Variants in TTBK2 observed in about 807,000 individuals in gnomAD.
TTBK2 encodes tau-tubulin kinase 2.
In TTBK2, 28 loss-of-function variants were observed where a neutral mutation model predicts 110.8. The ratio of observed to expected loss-of-function variants is 0.25; its 90% CI spans 0.19 to 0.35. The LOEUF (loss-of-function observed/expected upper bound fraction) is 0.35, where lower values mean the gene tolerates loss of function less well. Ranked by LOEUF, TTBK2 falls within the 10% of genes least tolerant of loss-of-function variation. The pLI is 1.00. For synonymous variants in TTBK2, 532 were observed against 527.3 expected (o/e 1.01, Z -0.12); for missense variants, 1,369 against 1,500.3 (o/e 0.91, Z 1.45).
chr15:42,878,425 T>C (rs1894903499), intron 2 of TTBK2, 124 bp downstream of exon 2: 2 of 1,528,320 alleles, frequency 1.3e-6, no homozygotes, highest in African/African-American at 2.8e-5. Context: ...ATATAAGTAA[T>C]GTATGTAATA....
chr15:42,872,793 T>C, intron 2 of TTBK2, 35 bp from the exon 3 acceptor site: 1 of 1,610,590 alleles, frequency 6.2e-7, no homozygotes. Flanking sequence ...CACTCTAAAT[T>C]ACTAGAAGAT....
rs1172766440 is a variant in TTBK2, at chr15:42,739,282, GAA to G, written c.*6511_*6512del. On this transcript the variant is annotated 3_prime_UTR_variant, in exon 15 of 15. Coordinates refer to ENST00000267890, the MANE Select transcript of TTBK2 (RefSeq NM_173500.4). ...CATCTCTCTGATTTCAGGAAGAGGA[GAA>G]GAGAGGGAGAGAAAAGTGGAATTAT... 7 of 152,338 alleles carry G rather than the reference GAA, an allele frequency of 4.6e-5. No homozygotes were observed. The highest frequency in any genetic ancestry group is 2.0e-4 in the Admixed American group (3 of 15,306). 9.4% of individuals were successfully genotyped at this position (152,338 alleles called of 1,614,324 possible).
rs373718231 is a variant in TTBK2 at position 42,804,177 on chromosome 15, G to T, written c.822+6437C>A. 1.9e-4 allele frequency among the ~76,000 whole-genome samples: 29 copies of T among 151,840 alleles called. No homozygotes were observed. In the East Asian group the frequency reaches 4.4e-3, roughly 23 times the overall value. ...ATATTAACAATGGCCAGTTGCCATG[G>T]CTCACACCTGTGATCCCGGCACTTT... On this transcript the variant is annotated intron_variant, in intron 9 of 14. Transcript: ENST00000267890.
At chr15:42,815,946 A>AT (rs67175582) in intron 7 of TTBK2, among the ~76,000 whole-genome samples, 16 of 24,590 alleles carry the variant, frequency 6.5e-4, no homozygotes, top group East Asian at 3.5e-3. Context: ...ATATATATAT[A>AT]TTTAAAAAAA....
intron 13 of TTBK2, among the ~76,000 whole-genome samples, chr15:42,769,940 A>C (rs576784666): frequency 1.3e-5 from 2 of 152,164 alleles, no homozygotes; most frequent in East Asian, 1.9e-4. Context: ...GGATGAGTTC[A>C]TGTCCTTTGC....
At chr15:42,825,410 A>G (rs572966079) in intron 6 of TTBK2, among the ~76,000 whole-genome samples, 1 of 152,332 alleles carries the variant, frequency 6.6e-6, no homozygotes, top group Non-Finnish European at 1.5e-5. Context: ...TGAATTTAAA[A>G]TTCAGTTCCT....
chr15:42,872,590 T>C, intron 3 of TTBK2, 21 bp downstream of exon 3: 1 of 1,612,578 alleles, frequency 6.2e-7, no homozygotes, highest in Non-Finnish European at 8.5e-7. Flanking sequence ...TCATAAATTG[T>C]ATATTCTACA....
At chr15:42,819,265 G>C (rs144180664) in intron 6 of TTBK2, among the ~76,000 whole-genome samples, 1 of 149,396 alleles carries the variant, frequency 6.7e-6, no homozygotes, top group African/African-American at 2.5e-5. Flanking sequence ...TCAAGAGATC[G>C]ACACCATCCT....
intron 9 of TTBK2, among the ~76,000 whole-genome samples, chr15:42,797,811 GTATA>G (rs148604835): frequency 6.6e-6 from 1 of 151,120 alleles, no homozygotes; most frequent in African/African-American, 2.4e-5. Flanking sequence ...ACATGTCTGT[GTATA>G]TATATATATG....
chr15:42,911,060 C>A lies in TTBK2; in HGVS notation c.-68+9378G>T, dbSNP rs563824158. Reference sequence around the variant, plus strand: ...ACTCCGTCTCAAAAAAAAAAAAAAACGGTGAAAAAATAGAAAAAGTTAACC... The same window carrying A: ...ACTCCGTCTCAAAAAAAAAAAAAAAAGGTGAAAAAATAGAAAAAGTTAACC... On this transcript the variant is annotated intron_variant, in intron 1 of 14. Coordinates refer to ENST00000267890, the MANE Select transcript of TTBK2 (RefSeq NM_173500.4). 4.7e-4 allele frequency among the ~76,000 whole-genome samples: 68 copies of A among 145,260 alleles called. No individual in the cohort carries two copies. The South Asian group carries it at 0.012, about 26-fold the overall frequency.
chr15:42,743,201 G>A lies in TTBK2; in HGVS notation c.*2594C>T, dbSNP rs994179117. The A allele has an allele frequency of 1.3e-5, 2 of 152,142 alleles. No individual in the cohort carries two copies. The highest frequency in any genetic ancestry group is 2.9e-5 in the Non-Finnish European group (2 of 68,026). 9.4% of individuals were successfully genotyped at this position (152,142 alleles called of 1,614,324 possible). A position where few individuals can be genotyped will look rare whatever the true frequency, so the allele number is the denominator to read the frequency against. ...CATGCAAAATAAAATATTCTTAAAC[G>A]ATGGACTGTTTATCTCTGGATCTTG... On this transcript the variant is annotated 3_prime_UTR_variant, in exon 15 of 15. Transcript: ENST00000267890.
At chr15:42,778,594 G>A (rs889482850) in intron 11 of TTBK2, among the ~76,000 whole-genome samples, 4 of 152,164 alleles carry the variant, frequency 2.6e-5, no homozygotes, top group South Asian at 2.1e-4. Context: ...CTTGAACCCA[G>A]GAGACGGAGG....
intron 9 of TTBK2, among the ~76,000 whole-genome samples, chr15:42,804,031 A>T (rs1322862757): frequency 1.4e-5 from 1 of 72,836 alleles, no homozygotes; most frequent in African/African-American, 7.9e-5. Context: ...AAAAAAAAAA[A>T]GAGAGAGATG....
In TTBK2 at chr15:42,920,678, G is replaced by A; in HGVS notation, c.-308C>T. ...GCTGCTGCTGTTACTGCTGCTGCCG[G>A]CTCCCCCAAGCCGCTGCTCTTGTGC... On this transcript the variant is annotated 5_prime_UTR_variant, in exon 1 of 15. Transcript: ENST00000267890. 6.4e-6 allele frequency: 1 copy of A among 156,342 alleles called. No individual in the cohort carries two copies. Among genetic ancestry groups the A allele is most frequent in the Non-Finnish European group, 1.4e-5 (1 of 70,718 alleles). The allele number at this position is 156,342 out of a possible 1,614,324, so 9.7% of individuals were successfully genotyped here.
chr15:42,873,730 C>T (rs1483647720), intron 2 of TTBK2, among the ~76,000 whole-genome samples: 1 of 152,116 alleles, frequency 6.6e-6, no homozygotes, highest in Non-Finnish European at 1.5e-5. Flanking sequence ...GCAAGTGCAC[C>T]TGTAGTGTCT....
chr15:42,754,377 G>C (rs747136790), intron 13 of TTBK2, among the ~76,000 whole-genome samples: 2 of 151,714 alleles, frequency 1.3e-5, no homozygotes, highest in Middle Eastern at 3.2e-3. Context: ...CACCATACCT[G>C]GCCAATTTTT....
rs1375359928 is a variant in TTBK2, at chr15:42,872,741, A to T, written c.87T>A (p.Gly29=). The change falls in exon 3 of 15, where the codon GGT becomes GGA. Residue 29 remains glycine (G), a synonymous_variant. Transcript: ENST00000267890. ...ERWKVLRKIG[G]GGFGEIYDAL... is the part of the protein sequence containing the mutation. ...CATCGTAAATTTCTCCAAAGCCCCCACCCCCAATCTTTCTCAACTGCACAG... is the reference window on the plus strand; with the variant it reads ...CATCGTAAATTTCTCCAAAGCCCCCTCCCCCAATCTTTCTCAACTGCACAG... 13 of 1,613,790 alleles carry T rather than the reference A, an allele frequency of 8.1e-6. No individual in the cohort carries two copies. Among genetic ancestry groups the T allele is most frequent in the Non-Finnish European group, 1.1e-5 (13 of 1,179,928 alleles).
intron 3 of TTBK2, among the ~76,000 whole-genome samples, chr15:42,859,937 A>G (rs1894088473): frequency 6.6e-6 from 1 of 152,156 alleles, no homozygotes; most frequent in South Asian, 2.1e-4. Flanking sequence ...AACAGAAATG[A>G]TGAATGCCTT....
At chr15:42,875,223 C>T (rs900439712) in intron 2 of TTBK2, among the ~76,000 whole-genome samples, 1 of 152,044 alleles carries the variant, frequency 6.6e-6, no homozygotes, top group African/African-American at 2.4e-5. Flanking sequence ...GCCATTTAAA[C>T]ATTAATACAG....
Sources: allele counts gnomAD v4.1 joint callset (sites outside exome capture counted in the v4.1 genomes callset), GRCh38; gene constraint gnomAD v4.1.1; transcripts MANE v1.5; gene names NCBI Gene and HGNC (gene_info 2026-07-23, HGNC 2026-07-21).